Variants in PDIA5 observed in about 807,000 individuals in gnomAD.
PDIA5 encodes protein disulfide-isomerase A5.
Under a neutral mutation model 77.6 loss-of-function variants are expected in PDIA5, and 58 were observed. The observed-to-expected ratio is 0.75, with a 90% CI of 0.61 to 0.93. PDIA5 has a LOEUF of 0.93. Among genes scored for constraint, PDIA5 ranks in the 40% least tolerant of loss-of-function variants. The pLI, the probability that PDIA5 is intolerant of heterozygous loss-of-function variation, is 0.00. For synonymous variants in PDIA5, 250 were observed against 252.1 expected (o/e 0.99, Z 0.08); for missense variants, 630 against 647.7 (o/e 0.97, Z 0.30).
At position 123,106,794 on chromosome 3, in the gene PDIA5, G is replaced by A. The variant is rs755947481; in HGVS notation, c.433G>A (p.Glu145Lys). 1.2e-6 allele frequency: 2 copies of A among 1,613,064 alleles called. No individual in the cohort carries two copies. The highest frequency in any genetic ancestry group is 2.2e-5 in the South Asian group (2 of 91,022). ...GGATCCAAAAGGGCCCCCACTGTGG[G>A]AGGAAGATCCTGGAGCCAAAGATGT... ...LKDPKGPPLW[E>K]EDPGAKDVVH... Residue 145 changes from glutamate to lysine, a missense_variant, in exon 6 of 17, where the codon GAG becomes AAG. Glu to Lys is a moderately conservative substitution (Grantham distance 56). Transcript: ENST00000316218.
At chr3:123,067,267 C>G in intron 1 of PDIA5, 61 bp downstream of exon 1, 1 of 1,194,522 alleles carries the variant, frequency 8.4e-7, no homozygotes. Flanking sequence ...TGCCCTTCTG[C>G]GCTCTCTGCT....
chr3:123,089,312 G>T lies in PDIA5; in HGVS notation c.169+18G>T. 6.2e-7 allele frequency: 1 copy of T among 1,612,956 alleles called. No individual in the cohort carries two copies. On this transcript the variant is annotated intron_variant, in intron 2 of 16. Coordinates refer to ENST00000316218, the MANE Select transcript of PDIA5 (RefSeq NM_006810.4). ...CAAATCTGGTGAGTGTCCCTTCCTG[G>T]CCTTGAGGTCAACCATCGGGGTAGG...
intron 10 of PDIA5, among the ~76,000 whole-genome samples, chr3:123,126,528 CTA>C (rs1204599693): frequency 6.6e-6 from 1 of 151,776 alleles, no homozygotes; most frequent in Non-Finnish European, 1.5e-5. Flanking sequence ...CTCCCCCACC[CTA>C]TTACCCAAAG....
At chr3:123,090,600 G>A (rs1020623067) in intron 2 of PDIA5, among the ~76,000 whole-genome samples, 10 of 152,150 alleles carry the variant, frequency 6.6e-5, no homozygotes, top group African/African-American at 2.2e-4. Context: ...CCTATGCCCC[G>A]CTGTCTCTCA....
intron 3 of PDIA5, among the ~76,000 whole-genome samples, chr3:123,096,368 T>G (rs558030998): frequency 6.6e-6 from 1 of 152,194 alleles, no homozygotes; most frequent in Admixed American, 6.5e-5. Context: ...TGTATTTTTT[T>G]TATAGAGACC....
At chr3:123,113,217 G>A (rs554440676) in intron 7 of PDIA5, among the ~76,000 whole-genome samples, 2 of 152,336 alleles carry the variant, frequency 1.3e-5, no homozygotes, top group African/African-American at 4.8e-5. Flanking sequence ...GTAAAATGGA[G>A]TGTATATCAA....
At chr3:123,067,437 G>A (rs1933599145) in intron 1 of PDIA5, 2 of 401,124 alleles carry the variant, frequency 5.0e-6, no homozygotes, top group Admixed American at 8.9e-5. Flanking sequence ...GCAGCTGTGG[G>A]GCGCCGGGAG....
chr3:123,079,230 G>A (rs1933931027), intron 1 of PDIA5, among the ~76,000 whole-genome samples: 1 of 140,962 alleles, frequency 7.1e-6, no homozygotes, highest in South Asian at 2.2e-4. Flanking sequence ...GCTGAGGCTG[G>A]AGTGCAATGG....
In PDIA5 at chr3:123,100,009, G is replaced by T. The variant is rs547051340; in HGVS notation, c.258-2402G>T. Among the ~76,000 whole-genome samples, 182 of 152,386 alleles carry T rather than the reference G, an allele frequency of 1.2e-3. 1 individual carries two copies. Among genetic ancestry groups the T allele is most frequent in the African/African-American group, 4.2e-3 (176 of 41,594 alleles). ...TCGCAGCTGCTGGTGTCAGGATGGG[G>T]CTGATGGGGCTGAGGGAGGCCATGC... On this transcript the variant is annotated intron_variant, in intron 3 of 16. Transcript: ENST00000316218.
chr3:123,072,255 G>T lies in PDIA5; in HGVS notation c.42+5049G>T, dbSNP rs750127596. Among the ~76,000 whole-genome samples, 70 of 152,326 alleles carry T rather than the reference G, an allele frequency of 4.6e-4. No homozygotes were observed. The Middle Eastern group carries it at 0.01, about 22-fold the overall frequency. ...TTAGCCAGCTAGACACTCAGGAGCTGCGTGACCTTGGGCCCTGCCTCAGTT... is the reference window on the plus strand; with the variant it reads ...TTAGCCAGCTAGACACTCAGGAGCTTCGTGACCTTGGGCCCTGCCTCAGTT... On this transcript the variant is annotated intron_variant, in intron 1 of 16. Transcript: ENST00000316218.
intron 1 of PDIA5, among the ~76,000 whole-genome samples, chr3:123,075,640 A>T (rs1421211894): frequency 6.6e-6 from 1 of 151,976 alleles, no homozygotes; most frequent in Non-Finnish European, 1.5e-5. Flanking sequence ...AGCAGGGGAG[A>T]TGGAAAATTC....
At chr3:123,158,229 A>G (rs1390316164) in intron 15 of PDIA5, among the ~76,000 whole-genome samples, 1 of 152,216 alleles carries the variant, frequency 6.6e-6, no homozygotes, top group Non-Finnish European at 1.5e-5. Flanking sequence ...TTCTTACATC[A>G]TGTTGTCCTT....
At chr3:123,153,071 T>TC (rs1935949951) in intron 14 of PDIA5, among the ~76,000 whole-genome samples, 1 of 151,430 alleles carries the variant, frequency 6.6e-6, no homozygotes. Context: ...CAGCCCTCCC[T>TC]CCCATTACTC....
rs181586483 is a variant in PDIA5, at chr3:123,070,045, G to A, written c.42+2839G>A. Among the ~76,000 whole-genome samples the A allele has an allele frequency of 9.6e-3, 1,443 of 149,650 alleles. 17 individuals carry two copies. Among genetic ancestry groups the A allele is most frequent in the African/African-American group, 0.027 (1,105 of 40,462 alleles). Reference sequence around the variant, plus strand: ...GCAGAGGGTGCAGTGGGCTGAGATCGCGCCACTGCACTCCAGCCTGGGGGA... The same window carrying A: ...GCAGAGGGTGCAGTGGGCTGAGATCACGCCACTGCACTCCAGCCTGGGGGA... On this transcript the variant is annotated intron_variant, in intron 1 of 16. Coordinates refer to ENST00000316218, the MANE Select transcript of PDIA5 (RefSeq NM_006810.4).
intron 1 of PDIA5, among the ~76,000 whole-genome samples, chr3:123,082,482 G>A (rs145275963): frequency 9.6e-4 from 146 of 152,210 alleles, no homozygotes; most frequent in African/African-American, 3.4e-3. Flanking sequence ...AACCTGGGAA[G>A]TGTGCTCTAA....
chr3:123,126,568 A>C (rs1935250211), intron 10 of PDIA5, among the ~76,000 whole-genome samples: 1 of 152,220 alleles, frequency 6.6e-6, no homozygotes, highest in East Asian at 1.9e-4. Context: ...TTTCCCCTAC[A>C]TAGATCTAGC....
intron 1 of PDIA5, among the ~76,000 whole-genome samples, chr3:123,083,263 G>A (rs1934058830): frequency 6.6e-6 from 1 of 152,104 alleles, no homozygotes; most frequent in Non-Finnish European, 1.5e-5. Flanking sequence ...GAGGTTAGAG[G>A]CATTGGTGCT....
intron 8 of PDIA5, among the ~76,000 whole-genome samples, chr3:123,119,937 G>A (rs1472308868): frequency 3.3e-5 from 5 of 152,164 alleles, no homozygotes; most frequent in African/African-American, 1.2e-4. Flanking sequence ...CCAGGTCAGG[G>A]ATGCACAGCC....
chr3:123,078,715 A>C (rs984376059), intron 1 of PDIA5, among the ~76,000 whole-genome samples: 19 of 152,240 alleles, frequency 1.2e-4, no homozygotes, highest in African/African-American at 3.4e-4. Flanking sequence ...AGAATCACAC[A>C]CTGCATTTAA....
Sources: allele counts gnomAD v4.1 joint callset (sites outside exome capture counted in the v4.1 genomes callset), GRCh38; gene constraint gnomAD v4.1.1; transcripts MANE v1.5; gene names NCBI Gene and HGNC (gene_info 2026-07-23, HGNC 2026-07-21).